MAP2K5: variants seen among roughly 807,000 people sequenced by gnomAD.
The protein encoded by MAP2K5 is mitogen-activated protein kinase kinase 5, also known as dual specificity mitogen-activated protein kinase kinase 5.
MAP2K5 carries 49 observed loss-of-function variants against 83.1 expected under a neutral mutation model. The observed-to-expected ratio is 0.59, with a 90% CI of 0.47 to 0.75. The LOEUF is 0.75. Among genes scored for constraint, MAP2K5 ranks in the 30% least tolerant of loss-of-function variants. The pLI is 0.00. For missense variants in MAP2K5, 457 were observed against 557.5 expected, an observed-to-expected ratio of 0.82 and a Z score of 1.82; for synonymous variants, 202 against 191.8, an observed-to-expected ratio of 1.05 and a Z score of -0.44.
At position 67,738,959 on chromosome 15, in the gene MAP2K5, G is replaced by T. The variant is rs757374650; in HGVS notation, c.1075-9272G>T. 2.6e-5 allele frequency among the ~76,000 whole-genome samples: 4 copies of T among 152,080 alleles called. No individual in the cohort carries two copies. The highest frequency in any genetic ancestry group is 5.9e-5 in the Non-Finnish European group (4 of 68,008). On this transcript the variant is annotated intron_variant, in intron 17 of 21. Transcript: ENST00000178640. The surrounding 1 kb of genome is among the most constrained non-coding windows in gnomAD (Gnocchi z 4.1). ...ATTGTACCTATATCAAAATATGGGA[G>T]GTGTGAAGTAAAACTCTGAATCAAA...
intron 3 of MAP2K5, among the ~76,000 whole-genome samples, chr15:67,564,552 G>A (rs1234638496): frequency 5.3e-5 from 8 of 152,186 alleles, no homozygotes; most frequent in Non-Finnish European, 1.0e-4. Context: ...AGGATAGGAT[G>A]ATTAACAGAG....
chr15:67,664,450 G>A (rs1314169436), intron 12 of MAP2K5, 147 bp from the exon 13 acceptor site: 3 of 562,418 alleles, frequency 5.3e-6, no homozygotes, highest in Non-Finnish European at 9.5e-6. Flanking sequence ...ACAGTGAGCA[G>A]TGATTGTACC....
At chr15:67,756,515 C>CTGTGTGTGTGTGTGTG (rs200627656) in intron 19 of MAP2K5, among the ~76,000 whole-genome samples, 5 of 131,600 alleles carry the variant, frequency 3.8e-5, no homozygotes, top group Admixed American at 7.6e-5. Flanking sequence ...CACACAGTTA[C>CTGTGTGTGTGTGTGTG]TGTGTGTGTG....
intron 16 of MAP2K5, among the ~76,000 whole-genome samples, chr15:67,715,044 A>T (rs2088796166): frequency 6.6e-6 from 1 of 152,164 alleles, no homozygotes; most frequent in Admixed American, 6.5e-5. Context: ...GACAAAGGAA[A>T]TTTCCATGGA....
At chr15:67,549,074 T>A in intron 1 of MAP2K5, 1 of 1,528,818 alleles carries the variant, frequency 6.5e-7, no homozygotes, top group Non-Finnish European at 8.7e-7. Context: ...GCGAGCGGCT[T>A]TGTCAGCCGG....
chr15:67,685,457 A>G (rs1351058812), intron 13 of MAP2K5, among the ~76,000 whole-genome samples: 1 of 151,340 alleles, frequency 6.6e-6, no homozygotes, highest in Non-Finnish European at 1.5e-5. Flanking sequence ...GCTATTTAGG[A>G]TGAAGGAAAC....
chr15:67,656,350 G>T (rs2141137065), intron 11 of MAP2K5, among the ~76,000 whole-genome samples: 1 of 149,466 alleles, frequency 6.7e-6, no homozygotes, highest in South Asian at 2.1e-4. Context: ...TTTGAGACAG[G>T]GTCTTACTCT....
rs549049188 is a variant in MAP2K5 at position 67,697,178 on chromosome 15, AT to A, written c.972+3613del. On this transcript the variant is annotated intron_variant, in intron 15 of 21. Coordinates refer to ENST00000178640, the MANE Select transcript of MAP2K5 (RefSeq NM_145160.3). ...TTGCAGGAATACATAATTAGAAGTCATTTGATACCCTCATTTTATGTATTTC... is the reference window on the plus strand; with the variant it reads ...TTGCAGGAATACATAATTAGAAGTCATTGATACCCTCATTTTATGTATTTC... 7.1e-3 allele frequency among the ~76,000 whole-genome samples: 1,088 copies of A among 152,260 alleles called. 14 individuals carry two copies. The highest frequency in any genetic ancestry group is 8.1e-3 in the Non-Finnish European group (552 of 68,008).
At chr15:67,678,018 G>A (rs1037526666) in intron 13 of MAP2K5, among the ~76,000 whole-genome samples, 1 of 152,158 alleles carries the variant, frequency 6.6e-6, no homozygotes, top group Non-Finnish European at 1.5e-5. Context: ...ATGTGATGGA[G>A]TCATTAGAAT....
chr15:67,729,360 A>G (rs2089171519), intron 17 of MAP2K5, among the ~76,000 whole-genome samples: 1 of 152,238 alleles, frequency 6.6e-6, no homozygotes. Context: ...CTTAGTAGAA[A>G]ACTTATAAGC....
chr15:67,741,285 A>G (rs1188591477), intron 17 of MAP2K5, among the ~76,000 whole-genome samples: 3 of 152,190 alleles, frequency 2.0e-5, no homozygotes, highest in Non-Finnish European at 4.4e-5. Context: ...ACTCAACTCA[A>G]AGGAGCCCTA....
intron 19 of MAP2K5, among the ~76,000 whole-genome samples, chr15:67,756,298 G>A (rs1656877335): frequency 1.3e-5 from 2 of 152,102 alleles, no homozygotes. Flanking sequence ...TCAAGAACAG[G>A]AAGAAAGAAA....
intron 8 of MAP2K5, among the ~76,000 whole-genome samples, chr15:67,603,723 C>T (rs2085716047): frequency 6.6e-6 from 1 of 152,170 alleles, no homozygotes; most frequent in African/African-American, 2.4e-5. Context: ...ATCCACTTTA[C>T]TAAAGTCTCT....
In MAP2K5 at chr15:67,757,457, C is replaced by T. The variant is rs7166336; in HGVS notation, c.1134+8856C>T. 0.89 allele frequency among the ~76,000 whole-genome samples: 135,157 copies of T among 152,084 alleles called. 60,134 individuals carry two copies. The highest frequency in any genetic ancestry group is 0.92 in the Middle Eastern group (271 of 294). On this transcript the variant is annotated intron_variant, in intron 19 of 21. Coordinates refer to ENST00000178640, the MANE Select transcript of MAP2K5 (RefSeq NM_145160.3). The surrounding 1 kb of genome is among the most constrained non-coding windows in gnomAD (Gnocchi z 4.9). ...TGGTTTGGTCAGAGTATGGGAGATT[C>T]AGATCTCCACCCCCTTTCCCACACA... is the stretch of plus-strand genomic sequence containing the variant.
intron 11 of MAP2K5, among the ~76,000 whole-genome samples, chr15:67,646,778 G>A (rs1192126595): frequency 6.6e-6 from 1 of 152,120 alleles, no homozygotes; most frequent in Non-Finnish European, 1.5e-5. Flanking sequence ...CAAAACAGAT[G>A]TTCTGTTCTT....
chr15:67,719,159 T>C lies in MAP2K5; in HGVS notation c.1045-8757T>C, dbSNP rs2088896067. On this transcript the variant is annotated intron_variant, in intron 16 of 21. Transcript: ENST00000178640. The surrounding 1 kb of genome is among the most constrained non-coding windows in gnomAD (Gnocchi z 4.6). ...TCTTCCTTGGCAACCTTTTAATCTT[T>C]AATAAGAAATAAGTCATCTAAATTC... 6.6e-6 allele frequency among the ~76,000 whole-genome samples: 1 copy of C among 152,184 alleles called. No homozygotes were observed. Among genetic ancestry groups the C allele is most frequent in the African/African-American group, 2.4e-5 (1 of 41,446 alleles).
chr15:67,687,753 T>C (rs144086053), intron 13 of MAP2K5, among the ~76,000 whole-genome samples: 38 of 152,114 alleles, frequency 2.5e-4, no homozygotes, highest in Admixed American at 2.4e-3. Context: ...TTCACCTGTT[T>C]AGTAGAGACA....
chr15:67,646,135 T>A, intron 9 of MAP2K5, 96 bp from the exon 10 acceptor site: 1 of 568,382 alleles, frequency 1.8e-6, no homozygotes. Flanking sequence ...TGGGGAAGAA[T>A]AAAGGAACTA....
intron 13 of MAP2K5, among the ~76,000 whole-genome samples, chr15:67,683,709 G>A (rs58583153): frequency 0.11 from 16,702 of 152,146 alleles, 1,008 homozygotes; most frequent in Admixed American, 0.13. Flanking sequence ...GCAGTGAGCC[G>A]AGATCGCGCC....
Sources: gnomAD v4.1 joint callset for allele counts (sites outside exome capture counted in the v4.1 genomes callset) on GRCh38, gnomAD v4.1.1 for gene constraint, Gnocchi (gnomAD v3.1) non-coding constraint, MANE v1.5 for transcripts, NCBI Gene and HGNC (gene_info 2026-07-23, HGNC 2026-07-21) for gene names.